Variants in NEBL observed in about 807,000 individuals in gnomAD.
NEBL encodes the protein LIM and SH3 protein 2.
A neutral mutation model predicts 140.2 loss-of-function variants in NEBL; 122 were observed. That is an observed-to-expected ratio of 0.87 (90% CI 0.75 to 1.01). The LOEUF is 1.01. Ranked by LOEUF, NEBL falls within the 50% of genes least tolerant of loss-of-function variation. The pLI, the probability that NEBL is intolerant of heterozygous loss-of-function variation, is 0.00. For missense variants in NEBL, 1,365 were observed against 1,231.3 expected, an observed-to-expected ratio of 1.11 and a Z score of -1.62; for synonymous variants, 436 against 398.9, an observed-to-expected ratio of 1.09 and a Z score of -1.11.
chr10:20,984,469 G>A (rs1276296557), intron 3 of NEBL, among the ~76,000 whole-genome samples: 3 of 152,132 alleles, frequency 2.0e-5, no homozygotes, highest in Admixed American at 6.5e-5. Flanking sequence ...AAAATTTTCA[G>A]TCTGACACAT....
In NEBL at chr10:20,808,638, C is replaced by G. The variant is rs1188459712; in HGVS notation, c.2633G>C (p.Arg878Pro). ...MLSEKASHYRRHWSRSHSSST... is the reference protein window; with the variant it reads ...MLSEKASHYRPHWSRSHSSST... ...GCTGGAATGGGATCGAGACCAGTGT[C>G]GCCTATAGTGACTCGCCTTTTCTAT... Residue 878 changes from arginine to proline, a missense_variant, in exon 26 of 28, where the codon CGA becomes CCA. By Grantham distance (103) the Arg-to-Pro change is moderately radical (BLOSUM62 -2). This residue lies in a region of NEBL where 1,323 missense variants were observed against 1,154.8 expected (regional missense o/e 1.15). Transcript: ENST00000377122. 5 of 1,613,310 alleles carry G rather than the reference C, an allele frequency of 3.1e-6. No homozygotes were observed. In the South Asian group the frequency reaches 5.5e-5, roughly 18 times the overall value.
At position 20,946,188 on chromosome 10, in the gene NEBL, T is replaced by C. The variant is rs555392437; in HGVS notation, c.357+15484A>G. On this transcript the variant is annotated intron_variant, in intron 4 of 6. Coordinates refer to the NEBL transcript ENST00000417816. ...CAACGAAGGTGAGAGGCAGCCCTCATAGGCTGTATGAGCAAGGAGCCCATC... is the reference window on the plus strand; with the variant it reads ...CAACGAAGGTGAGAGGCAGCCCTCACAGGCTGTATGAGCAAGGAGCCCATC... 1.6e-4 allele frequency among the ~76,000 whole-genome samples: 24 copies of C among 152,304 alleles called. No homozygotes were observed. The East Asian group carries it at 4.4e-3, about 28-fold the overall frequency.
At chr10:21,121,494 C>T (rs569327651) in intron 2 of NEBL, among the ~76,000 whole-genome samples, 2 of 152,298 alleles carry the variant, frequency 1.3e-5, no homozygotes, top group South Asian at 4.1e-4. Flanking sequence ...TAACTTTCTG[C>T]CTTCCAAGTT....
In NEBL at chr10:20,785,861, G is replaced by A. The variant is rs375982678; in HGVS notation, c.2931C>T (p.Asp977=). ...GCTGCACGTTGACGATGTAGTCGCC[G>A]TCTCTAAAGGAGACCTCGTCTTCAT... The part of the protein sequence containing the change: ...AQDEDEVSFR[D]GDYIVNVQPI... The change falls in exon 28 of 28, where the codon GAC becomes GAT. Residue 977 remains aspartate, a synonymous_variant. Transcript: ENST00000377122. 23 of 1,613,872 alleles carry A rather than the reference G, an allele frequency of 1.4e-5. No individual in the cohort carries two copies. Among genetic ancestry groups the A allele is most frequent in the African/African-American group, 2.7e-5 (2 of 74,886 alleles).
chr10:21,254,528 C>T (rs914269308), intron 1 of NEBL, among the ~76,000 whole-genome samples: 4 of 152,194 alleles, frequency 2.6e-5, no homozygotes, highest in African/African-American at 9.6e-5. Context: ...ACTGCAACCT[C>T]TGCCTCCCAG....
intron 4 of NEBL, among the ~76,000 whole-genome samples, chr10:20,955,233 A>G (rs1835737947): frequency 6.6e-6 from 1 of 152,248 alleles, no homozygotes; most frequent in Admixed American, 6.5e-5. Context: ...GACATGGATG[A>G]TCTTCACCTA....
chr10:21,073,077 A>G (rs1029323295), intron 2 of NEBL, among the ~76,000 whole-genome samples: 2 of 152,188 alleles, frequency 1.3e-5, no homozygotes, highest in Admixed American at 1.3e-4. Flanking sequence ...AGGATGGGAC[A>G]GGTTGCATGG....
At chr10:21,230,662 C>T (rs901545034) in intron 3 of NEBL, among the ~76,000 whole-genome samples, 2 of 148,220 alleles carry the variant, frequency 1.3e-5, no homozygotes, top group African/African-American at 2.5e-5. Flanking sequence ...TGGAGTGCAG[C>T]GGCGTGATCT....
intron 2 of NEBL, among the ~76,000 whole-genome samples, chr10:21,107,779 C>T (rs1837790790): frequency 6.6e-6 from 1 of 152,282 alleles, no homozygotes; most frequent in Admixed American, 6.5e-5. Context: ...TAGAATTCAG[C>T]TGTGAATCCA....
At chr10:21,139,987 C>CAAAAAAAA (rs11289396) in intron 2 of NEBL, among the ~76,000 whole-genome samples, 23 of 99,526 alleles carry the variant, frequency 2.3e-4, no homozygotes, top group Non-Finnish European at 3.1e-4. Flanking sequence ...CCTGTCTCAA[C>CAAAAAAAA]AAAAAAAAAA....
In NEBL at chr10:20,877,170, C is replaced by T. The variant is rs1326055102; in HGVS notation, c.480+3624G>A. ...TAGAACCAGTAATGTATGCCAGCAA[C>T]TTTTAAGATGGAGGCTCTGCTGTGA... On this transcript the variant is annotated intron_variant, in intron 5 of 27. Coordinates refer to ENST00000377122, the MANE Select transcript of NEBL (RefSeq NM_006393.3). Among the ~76,000 whole-genome samples the T allele has an allele frequency of 4.6e-5, 7 of 152,306 alleles. No individual in the cohort carries two copies. The South Asian group carries it at 1.5e-3, about 32-fold the overall frequency.
chr10:21,217,641 T>C (rs182973736), intron 3 of NEBL, among the ~76,000 whole-genome samples: 4 of 152,380 alleles, frequency 2.6e-5, no homozygotes, highest in Non-Finnish European at 4.4e-5. Flanking sequence ...GATACTTCGC[T>C]GCTTGGAATC....
At chr10:21,146,053 C>A (rs1039572782) in intron 2 of NEBL, among the ~76,000 whole-genome samples, 3 of 152,074 alleles carry the variant, frequency 2.0e-5, no homozygotes, top group African/African-American at 7.3e-5. Flanking sequence ...ATTTGTTAAG[C>A]GCCCGCTATG....
intron 3 of NEBL, among the ~76,000 whole-genome samples, chr10:20,998,428 T>G (rs1837756017): frequency 6.6e-6 from 1 of 152,146 alleles, no homozygotes; most frequent in African/African-American, 2.4e-5. Context: ...TCTGTTATTG[T>G]TTCCAATAAC....
chr10:21,135,418 A>G (rs1839309538), intron 2 of NEBL, among the ~76,000 whole-genome samples: 1 of 151,956 alleles, frequency 6.6e-6, no homozygotes, highest in African/African-American at 2.4e-5. Context: ...CATGCTAGTT[A>G]CAGCCTCAGT....
rs146601168 is a variant in NEBL, at chr10:20,812,820, C to A, written c.2467G>T (p.Gly823Trp). Reference sequence around the variant, plus strand: ...ATCTCCACGATGTGAGGGTGGACCCCTTTATAGGCAGCATCGCTGACCACC... The same window carrying A: ...ATCTCCACGATGTGAGGGTGGACCCATTTATAGGCAGCATCGCTGACCACC... ...TQVVSDAAYK[G>W]VHPHIVEMDR... Residue 823 changes from glycine (G) to tryptophan (W), a missense_variant, in exon 24 of 28, where the codon GGG (glycine) becomes TGG (tryptophan). Coordinates refer to ENST00000377122, the MANE Select transcript of NEBL (RefSeq NM_006393.3). 3.1e-6 allele frequency: 5 copies of A among 1,613,912 alleles called. No individual in the cohort carries two copies. Among genetic ancestry groups the A allele is most frequent in the Admixed American group, 3.3e-5 (2 of 59,992 alleles).
At chr10:20,943,978 CTGTTTAA>C in intron 4 of NEBL, among the ~76,000 whole-genome samples, 1 of 152,324 alleles carries the variant, frequency 6.6e-6, no homozygotes, top group African/African-American at 2.4e-5. Context: ...AGTCTCTGGT[CTGTTTAA>C]TGAACAAGAG....
intron 2 of NEBL, among the ~76,000 whole-genome samples, chr10:21,105,547 T>C (rs1334912726): frequency 6.6e-6 from 1 of 152,194 alleles, no homozygotes; most frequent in Non-Finnish European, 1.5e-5. Context: ...TAGTATTCCG[T>C]GGTGCATATG....
At chr10:21,005,739 A>G (rs1418510932) in intron 3 of NEBL, among the ~76,000 whole-genome samples, 2 of 152,104 alleles carry the variant, frequency 1.3e-5, no homozygotes, top group Admixed American at 1.3e-4. Flanking sequence ...CAAAACAATA[A>G]TAATAATAAA....
Sources: allele counts gnomAD v4.1 joint callset (sites outside exome capture counted in the v4.1 genomes callset), GRCh38; gene constraint gnomAD v4.1.1; regional missense constraint gnomAD v4.1.1; transcripts MANE v1.5; gene names NCBI Gene and HGNC (gene_info 2026-07-23, HGNC 2026-07-21).